The following PTH2R variants were observed in gnomAD, a reference collection of about 807,000 sequenced individuals.
The protein encoded by PTH2R is PTH2 receptor.
PTH2R carries 59 observed loss-of-function variants against 60.3 expected under a neutral mutation model. The ratio of observed to expected loss-of-function variants is 0.98; its 90% CI spans 0.79 to 1.22. The LOEUF (loss-of-function observed/expected upper bound fraction) is 1.22. Ranked by LOEUF, PTH2R falls within the 50% of genes most tolerant of loss-of-function variation. The pLI is 0.00. For missense variants in PTH2R, 749 were observed against 682.6 expected, an observed-to-expected ratio of 1.10 and a Z score of -1.08; for synonymous variants, 256 against 243.8, an observed-to-expected ratio of 1.05 and a Z score of -0.47.
At chr2:208,434,629 A>T (rs1215096835) in intron 2 of PTH2R, among the ~76,000 whole-genome samples, 1 of 152,190 alleles carries the variant, frequency 6.6e-6, no homozygotes, top group Non-Finnish European at 1.5e-5. Context: ...TTTTGGAGGG[A>T]TATCTAATTA....
At chr2:208,449,542 T>C (rs1559223829) in intron 7 of PTH2R, among the ~76,000 whole-genome samples, 1 of 152,064 alleles carries the variant, frequency 6.6e-6, no homozygotes, top group Non-Finnish European at 1.5e-5. Context: ...AAAAAATTCC[T>C]AGAACACAGA....
At chr2:208,372,946 C>A (rs986307406) in intron 1 of PTH2R, among the ~76,000 whole-genome samples, 1 of 151,948 alleles carries the variant, frequency 6.6e-6, no homozygotes, top group African/African-American at 2.4e-5. Flanking sequence ...ATTAGCCAGG[C>A]GTGATGGCAC....
At chr2:208,477,619 T>C (rs1703036011) in intron 9 of PTH2R, among the ~76,000 whole-genome samples, 1 of 152,038 alleles carries the variant, frequency 6.6e-6, no homozygotes, top group African/African-American at 2.4e-5. Flanking sequence ...AAAAAATGAA[T>C]CTTTAATTGC....
chr2:208,402,373 G>A (rs189742608), upstream of PTH2R, among the ~76,000 whole-genome samples: 129 of 152,152 alleles, frequency 8.5e-4, 1 homozygote, highest in Admixed American at 8.3e-3. Context: ...AAATTCTTTA[G>A]GAGAAAACCA....
chr2:208,379,679 G>A (rs1246301678), intron 1 of PTH2R, among the ~76,000 whole-genome samples: 1 of 151,954 alleles, frequency 6.6e-6, no homozygotes, highest in Admixed American at 6.6e-5. Flanking sequence ...GGTTAACATG[G>A]TGAAACCCCA....
chr2:208,394,582 C>G (rs1310221985), intron 1 of PTH2R, among the ~76,000 whole-genome samples: 3 of 152,168 alleles, frequency 2.0e-5, no homozygotes, highest in Non-Finnish European at 4.4e-5. Context: ...CCTAAGCAGC[C>G]TTAGTCCTCT....
Position 208,490,630 on chromosome 2 carries a change from T to C in PTH2R, c.1216-9T>C, listed in dbSNP as rs1703383020. ...TTGGCAGTGGGCTGACTTTCTCTTT[T>C]GTCTGCAGGGTTTCTTTGTGTCTAT... On this transcript the variant is annotated splice_polypyrimidine_tract_variant and intron_variant, in intron 11 of 12. Transcript: ENST00000272847. The C allele has an allele frequency of 6.2e-7, 1 of 1,609,276 alleles. No homozygotes were observed. Among genetic ancestry groups the C allele is most frequent in the South Asian group, 1.1e-5 (1 of 89,770 alleles).
intron 7 of PTH2R, among the ~76,000 whole-genome samples, chr2:208,449,815 G>C (rs1702366707): frequency 1.3e-5 from 2 of 152,014 alleles, no homozygotes; most frequent in Admixed American, 6.6e-5. Context: ...TTAAAGTTAT[G>C]CTTGATAAAA....
chr2:208,446,892 T>C (rs1702297564), intron 7 of PTH2R, among the ~76,000 whole-genome samples: 1 of 152,210 alleles, frequency 6.6e-6, no homozygotes, highest in Non-Finnish European at 1.5e-5. Flanking sequence ...CAGGATACTT[T>C]GCTAGAATAA....
intron 1 of PTH2R, among the ~76,000 whole-genome samples, chr2:208,411,383 A>G (rs940978416): frequency 6.6e-6 from 1 of 152,186 alleles, no homozygotes; most frequent in African/African-American, 2.4e-5. Context: ...AACGAGGACT[A>G]TTTCCATTTG....
At chr2:208,456,872 T>C (rs1702525491) in intron 8 of PTH2R, among the ~76,000 whole-genome samples, 1 of 152,236 alleles carries the variant, frequency 6.6e-6, no homozygotes, top group Non-Finnish European at 1.5e-5. Context: ...GTTTGAAATC[T>C]CAATTTTCTT....
intron 2 of PTH2R, among the ~76,000 whole-genome samples, chr2:208,432,919 C>T (rs1276214415): frequency 6.6e-6 from 1 of 152,176 alleles, no homozygotes; most frequent in Admixed American, 6.5e-5. Context: ...CTAACTTTCT[C>T]TCCCAGTCCA....
At position 208,450,472 on chromosome 2, in the gene PTH2R, T is replaced by G. The variant is rs556601935; in HGVS notation, c.854-277T>G. 4.6e-5 allele frequency among the ~76,000 whole-genome samples: 7 copies of G among 152,184 alleles called. No individual in the cohort carries two copies. In the East Asian group the frequency reaches 9.7e-4, roughly 21 times the overall value. ...ACTTCCAACCCTAGGAACTTCACTC[T>G]TCTCCAAATATGGCTTTTCCCTACA... On this transcript the variant is annotated intron_variant, in intron 7 of 12. Coordinates refer to ENST00000272847, the MANE Select transcript of PTH2R (RefSeq NM_005048.4).
intron 1 of PTH2R, among the ~76,000 whole-genome samples, chr2:208,385,263 C>T (rs1009254160): frequency 1.1e-4 from 16 of 152,022 alleles, no homozygotes; most frequent in East Asian, 9.6e-4. Context: ...GTAAAGGACA[C>T]GAACAAGTTA....
chr2:208,460,407 A>T (rs1485899583), intron 9 of PTH2R, among the ~76,000 whole-genome samples: 1 of 152,164 alleles, frequency 6.6e-6, no homozygotes. Flanking sequence ...TAAATCTTTT[A>T]TTTGGCATAC....
upstream of PTH2R, among the ~76,000 whole-genome samples, chr2:208,403,443 A>G (rs1355448361): frequency 6.6e-6 from 1 of 152,228 alleles, no homozygotes. Flanking sequence ...AAATGGAGGT[A>G]CAAAAAGCAG....
At chr2:208,472,457 G>A (rs1702904760) in intron 9 of PTH2R, among the ~76,000 whole-genome samples, 1 of 152,142 alleles carries the variant, frequency 6.6e-6, no homozygotes, top group South Asian at 2.1e-4. Context: ...CCCAGTGGGA[G>A]GTAACTGAAT....
chr2:208,391,953 T>C (rs1481901487), intron 1 of PTH2R, among the ~76,000 whole-genome samples: 1 of 152,096 alleles, frequency 6.6e-6, no homozygotes, highest in East Asian at 1.9e-4. Context: ...CTAACTTGAG[T>C]ATGAGAGAAC....
intron 1 of PTH2R, among the ~76,000 whole-genome samples, chr2:208,414,576 T>C (rs1394800204): frequency 2.0e-5 from 3 of 152,020 alleles, no homozygotes; most frequent in African/African-American, 7.2e-5. Flanking sequence ...TTTTTTTCTA[T>C]TAGAATATCT....
Sources: gnomAD v4.1 joint callset for allele counts (sites outside exome capture counted in the v4.1 genomes callset) on GRCh38, gnomAD v4.1.1 for gene constraint, MANE v1.5 for transcripts, NCBI Gene and HGNC (gene_info 2026-07-23, HGNC 2026-07-21) for gene names.